SSBP3: variants seen among roughly 807,000 people sequenced by gnomAD.
SSBP3 encodes the protein single-stranded DNA-binding protein 3.
A neutral mutation model predicts 69.6 loss-of-function variants in SSBP3; 5 were observed. That is an observed-to-expected ratio of 0.07 (90% CI 0.04 to 0.15). The LOEUF (loss-of-function observed/expected upper bound fraction) is 0.15. Among genes scored for constraint, SSBP3 ranks in the 10% least tolerant of loss-of-function variants. SSBP3 has a pLI of 1.00. For missense variants in SSBP3, 312 were observed against 534.0 expected (o/e 0.58, Z 4.10); for synonymous variants, 196 against 193.4 (o/e 1.01, Z -0.11).
chr1:54,404,184 G>C (rs2100826585), intron 3 of SSBP3, among the ~76,000 whole-genome samples: 1 of 152,062 alleles, frequency 6.6e-6, no homozygotes, highest in Admixed American at 6.6e-5. Flanking sequence ...AAAAAGGAAG[G>C]GACAGGCTAG....
At chr1:54,362,845 A>G (rs573076855) in intron 4 of SSBP3, among the ~76,000 whole-genome samples, 39 of 151,954 alleles carry the variant, frequency 2.6e-4, no homozygotes, top group Non-Finnish European at 5.0e-4. Flanking sequence ...TTGTTGTTTT[A>G]CCCCTCGTTT....
chr1:54,272,029 A>G (rs1645202777), intron 5 of SSBP3, among the ~76,000 whole-genome samples: 1 of 152,090 alleles, frequency 6.6e-6, no homozygotes, highest in South Asian at 2.1e-4. Context: ...CTTGACCTCC[A>G]AAGTGCTGGG....
intron 4 of SSBP3, among the ~76,000 whole-genome samples, chr1:54,355,609 G>A (rs1444895187): frequency 6.6e-6 from 1 of 152,158 alleles, no homozygotes; most frequent in South Asian, 2.1e-4. Context: ...TCAGCCTCCC[G>A]AAGTGCTGGG....
chr1:54,287,568 G>T (rs950552736), intron 4 of SSBP3, among the ~76,000 whole-genome samples: 5 of 152,160 alleles, frequency 3.3e-5, no homozygotes, highest in Non-Finnish European at 5.9e-5. Flanking sequence ...CTGTCTGGTG[G>T]CCTGGGGAAG....
At chr1:54,341,535 G>GA (rs1557547162) in intron 4 of SSBP3, among the ~76,000 whole-genome samples, 1 of 152,124 alleles carries the variant, frequency 6.6e-6, no homozygotes, top group Non-Finnish European at 1.5e-5. Context: ...AGCTCCCATG[G>GA]TAGTAAGTGC....
At chr1:54,237,782 C>T (rs1644524887) in intron 14 of SSBP3, 1 of 208,660 alleles carries the variant, frequency 4.8e-6, no homozygotes, top group Non-Finnish European at 9.9e-6. Flanking sequence ...AAGCCCAACA[C>T]TGAATCTGCA....
At chr1:54,401,835 G>T in intron 4 of SSBP3, 26 bp downstream of exon 4, 1 of 1,591,570 alleles carries the variant, frequency 6.3e-7, no homozygotes, top group Non-Finnish European at 8.6e-7. Context: ...TATAATTATT[G>T]CTAGGATTAA....
At chr1:54,241,151 C>T (rs750038019) in intron 12 of SSBP3, among the ~76,000 whole-genome samples, 192 bp from the exon 13 acceptor site, 3 of 152,202 alleles carry the variant, frequency 2.0e-5, no homozygotes, top group Non-Finnish European at 2.9e-5. Context: ...CTGTCCCTTT[C>T]TTCAGACCAA....
At chr1:54,273,855 T>C (rs904057969) in intron 5 of SSBP3, among the ~76,000 whole-genome samples, 1 of 152,210 alleles carries the variant, frequency 6.6e-6, no homozygotes, top group Non-Finnish European at 1.5e-5. Flanking sequence ...CCAAGTCAGT[T>C]TGGAACAGGT....
At chr1:54,295,201 G>GC (rs1176864953) in intron 4 of SSBP3, among the ~76,000 whole-genome samples, 1 of 152,052 alleles carries the variant, frequency 6.6e-6, no homozygotes, top group African/African-American at 2.4e-5. Context: ...GCTCACTAGG[G>GC]CCCCCCGGCC....
chr1:54,288,470 C>CT (rs1645532698), intron 4 of SSBP3, among the ~76,000 whole-genome samples: 2 of 151,974 alleles, frequency 1.3e-5, no homozygotes, highest in Non-Finnish European at 2.9e-5. Flanking sequence ...GTCTTGATAC[C>CT]TGAGCTTATT....
intron 4 of SSBP3, among the ~76,000 whole-genome samples, chr1:54,384,312 C>A (rs1647914816): frequency 6.6e-6 from 1 of 152,292 alleles, no homozygotes; most frequent in South Asian, 2.1e-4. Context: ...AAGGCCAGGG[C>A]TCGAACTGAG....
chr1:54,375,538 A>G (rs1250790315), intron 4 of SSBP3, among the ~76,000 whole-genome samples: 1 of 152,044 alleles, frequency 6.6e-6, no homozygotes, highest in Non-Finnish European at 1.5e-5. Context: ...CTTTCACACC[A>G]GCAGCTGACT....
intron 5 of SSBP3, among the ~76,000 whole-genome samples, chr1:54,265,193 G>A (rs1421260070): frequency 6.6e-6 from 1 of 152,202 alleles, no homozygotes; most frequent in Non-Finnish European, 1.5e-5. Context: ...CCAGATGGGG[G>A]GAGGAAGGGA....
rs981265973 is a variant in SSBP3, at chr1:54,258,708, G to A, written c.367-559C>T. The stretch of plus-strand genomic sequence containing the variant: ...TTTCCTGGGGGCAGGAGGGCCGGGG[G>A]CACCGACAGATAAACAACAGAGGCA... On this transcript the variant is annotated intron_variant, in intron 5 of 17. Coordinates refer to ENST00000610401, the Ensembl canonical transcript of SSBP3. The surrounding 1 kb of genome is among the most constrained non-coding windows in gnomAD (Gnocchi z 4.5). Among the ~76,000 whole-genome samples the A allele has an allele frequency of 1.3e-5, 2 of 152,240 alleles. No homozygotes were observed. Among genetic ancestry groups the A allele is most frequent in the African/African-American group, 4.8e-5 (2 of 41,532 alleles).
At chr1:54,377,866 G>A (rs919176715) in intron 4 of SSBP3, among the ~76,000 whole-genome samples, 5 of 152,138 alleles carry the variant, frequency 3.3e-5, no homozygotes, top group Non-Finnish European at 7.3e-5. Flanking sequence ...TAAATTTAGG[G>A]TGGAACATAG....
At chr1:54,257,806 GA>G (rs1644948488) in intron 6 of SSBP3, among the ~76,000 whole-genome samples, 1 of 151,282 alleles carries the variant, frequency 6.6e-6, no homozygotes, top group East Asian at 1.9e-4. Context: ...AGTGAGAGAG[GA>G]AAAAACAAAA....
At chr1:54,390,602 C>A (rs1381993006) in intron 4 of SSBP3, among the ~76,000 whole-genome samples, 1 of 152,252 alleles carries the variant, frequency 6.6e-6, no homozygotes, top group Non-Finnish European at 1.5e-5. Flanking sequence ...TGGCAGCCAT[C>A]ACAACTAACT....
intron 14 of SSBP3, among the ~76,000 whole-genome samples, chr1:54,230,384 A>T (rs1354814434): frequency 6.6e-6 from 1 of 152,234 alleles, no homozygotes. Flanking sequence ...ATCCCCAAAC[A>T]TGATAATACA....
Sources: allele counts gnomAD v4.1 joint callset (sites outside exome capture counted in the v4.1 genomes callset), GRCh38; gene constraint gnomAD v4.1.1; non-coding constraint Gnocchi (gnomAD v3.1); transcripts MANE v1.5; gene names NCBI Gene and HGNC (gene_info 2026-07-23, HGNC 2026-07-21).